The following PTPN14 variants were observed in gnomAD, a reference collection of about 807,000 sequenced individuals.
PTPN14 encodes tyrosine-protein phosphatase non-receptor type 14.
Under a neutral mutation model 126.8 loss-of-function variants are expected in PTPN14, and 53 were observed. The ratio of observed to expected loss-of-function variants is 0.42; its 90% CI spans 0.34 to 0.53. The LOEUF is 0.53. PTPN14 is among the 20% of genes least tolerant of loss of function. The pLI is 0.08. For synonymous variants in PTPN14, 630 were observed against 599.3 expected (o/e 1.05, Z -0.75); for missense variants, 1,257 against 1,552.9 (o/e 0.81, Z 3.20).
chr1:214,502,161 G>T (rs1452085323), intron 1 of PTPN14, among the ~76,000 whole-genome samples: 1 of 151,678 alleles, frequency 6.6e-6, no homozygotes, highest in Non-Finnish European at 1.5e-5. Flanking sequence ...AACTGAATTT[G>T]GGAGCTCTCA....
chr1:214,381,990 C>T (rs565295752), intron 13 of PTPN14, among the ~76,000 whole-genome samples: 39 of 150,842 alleles, frequency 2.6e-4, no homozygotes, highest in African/African-American at 7.1e-4. Context: ...CAGCAACCTC[C>T]GCCTTGTGGG....
At chr1:214,491,164 A>T (rs943247834) in intron 1 of PTPN14, among the ~76,000 whole-genome samples, 1 of 152,106 alleles carries the variant, frequency 6.6e-6, no homozygotes, top group South Asian at 2.1e-4. Flanking sequence ...TTTCTTTAAT[A>T]TGATTTTTAA....
At chr1:214,487,598 C>T (rs1274284393) in intron 1 of PTPN14, among the ~76,000 whole-genome samples, 1 of 143,946 alleles carries the variant, frequency 6.9e-6, no homozygotes. Context: ...CACGCCACTG[C>T]ACTCCAGCCT....
At chr1:214,462,482 C>A (rs1268731707) in intron 2 of PTPN14, among the ~76,000 whole-genome samples, 1 of 152,158 alleles carries the variant, frequency 6.6e-6, no homozygotes, top group African/African-American at 2.4e-5. Context: ...TAATCCAGTC[C>A]CCCACACTAA....
intron 1 of PTPN14, among the ~76,000 whole-genome samples, chr1:214,487,561 G>T (rs1468645104): frequency 6.6e-6 from 1 of 150,614 alleles, no homozygotes; most frequent in African/African-American, 2.4e-5. Flanking sequence ...TTGAACCCAG[G>T]AAGGAGAGGT....
intron 16 of PTPN14, 146 bp from the exon 17 acceptor site, chr1:214,369,837 T>A: frequency 1.5e-6 from 1 of 689,178 alleles, no homozygotes; most frequent in Non-Finnish European, 2.6e-6. Context: ...ACAGGGTAGA[T>A]CCTATACATG....
At chr1:214,520,065 A>AAAAAAAAAAAAAAAAAATATATATATAT in intron 1 of PTPN14, among the ~76,000 whole-genome samples, 8 of 71,106 alleles carry the variant, frequency 1.1e-4, no homozygotes, top group African/African-American at 1.5e-4. Context: ...AAAAAAAAAA[A>AAAAAAAAAAAAAAAAAATATATATATAT]ATATATATAT....
At chr1:214,371,236 T>C (rs1327394143) in intron 16 of PTPN14, among the ~76,000 whole-genome samples, 1 of 152,094 alleles carries the variant, frequency 6.6e-6, no homozygotes, top group Non-Finnish European at 1.5e-5. Flanking sequence ...CCAGTCACTC[T>C]CTTTCTTAAC....
At chr1:214,461,997 T>C (rs1179591811) in intron 2 of PTPN14, among the ~76,000 whole-genome samples, 1 of 152,178 alleles carries the variant, frequency 6.6e-6, no homozygotes, top group Non-Finnish European at 1.5e-5. Context: ...GGTGTGTGTG[T>C]GCAAAAGAAG....
intron 2 of PTPN14, among the ~76,000 whole-genome samples, chr1:214,460,262 G>T (rs1307230390): frequency 2.0e-5 from 3 of 152,150 alleles, no homozygotes; most frequent in African/African-American, 7.2e-5. Context: ...ATTATCCTTT[G>T]TAACTTATTT....
chr1:214,386,171 T>C (rs569989031), intron 12 of PTPN14, among the ~76,000 whole-genome samples: 1 of 152,340 alleles, frequency 6.6e-6, no homozygotes, highest in Admixed American at 6.5e-5. Context: ...GAAATAATAA[T>C]AGTACCTATA....
intron 3 of PTPN14, among the ~76,000 whole-genome samples, chr1:214,438,844 A>T (rs574706491): frequency 1.3e-5 from 2 of 151,760 alleles, no homozygotes; most frequent in South Asian, 2.2e-4. Flanking sequence ...CTTTTCATTT[A>T]AAAAAAACAA....
At chr1:214,376,528 G>A in intron 14 of PTPN14, 91 bp from the exon 15 acceptor site, 1 of 1,101,294 alleles carries the variant, frequency 9.1e-7, no homozygotes, top group Non-Finnish European at 1.3e-6. Context: ...TAGCGATTGT[G>A]TTAAAAGAGA....
intron 7 of PTPN14, 52 bp downstream of exon 7, chr1:214,401,633 T>G: frequency 7.0e-7 from 1 of 1,426,200 alleles, no homozygotes; most frequent in Non-Finnish European, 9.5e-7. Context: ...GTTTTCCAAA[T>G]GCCAGTACCG....
At chr1:214,399,249 G>A (rs546360391) in intron 7 of PTPN14, among the ~76,000 whole-genome samples, 1 of 152,188 alleles carries the variant, frequency 6.6e-6, no homozygotes, top group African/African-American at 2.4e-5. Flanking sequence ...AAGGTGACCA[G>A]CTGTGTCGGC....
intron 16 of PTPN14, among the ~76,000 whole-genome samples, chr1:214,370,515 C>T (rs1658194177): frequency 6.6e-6 from 1 of 152,100 alleles, no homozygotes; most frequent in Admixed American, 6.6e-5. Context: ...GCGCACAGCT[C>T]TTTCTGTTAC....
chr1:214,481,743 T>C (rs1464151007), intron 1 of PTPN14, among the ~76,000 whole-genome samples: 1 of 151,848 alleles, frequency 6.6e-6, no homozygotes, highest in East Asian at 1.9e-4. Context: ...TCCAACACTT[T>C]GGGAGGCCGA....
intron 1 of PTPN14, among the ~76,000 whole-genome samples, chr1:214,492,132 T>G (rs1661263387): frequency 6.6e-6 from 1 of 152,116 alleles, no homozygotes; most frequent in Non-Finnish European, 1.5e-5. Context: ...TTAATTCATT[T>G]AATGAAGACA....
chr1:214,415,902 T>C (rs1358114632), intron 3 of PTPN14, among the ~76,000 whole-genome samples: 1 of 152,172 alleles, frequency 6.6e-6, no homozygotes, highest in Non-Finnish European at 1.5e-5. Context: ...TCAAACCTAA[T>C]ATGGGCTAGA....
Sources: gnomAD v4.1 joint callset for allele counts (sites outside exome capture counted in the v4.1 genomes callset) on GRCh38, gnomAD v4.1.1 for gene constraint, MANE v1.5 for transcripts, NCBI Gene and HGNC (gene_info 2026-07-23, HGNC 2026-07-21) for gene names.